DRG1: variants seen among roughly 807,000 people sequenced by gnomAD.
DRG1 encodes the protein developmentally regulated GTP binding protein 1.
A neutral mutation model predicts 38.8 loss-of-function variants in DRG1; 19 were observed. That is an observed-to-expected ratio of 0.49 (90% CI 0.34 to 0.72). The LOEUF (loss-of-function observed/expected upper bound fraction) is 0.72. Among genes scored for constraint, DRG1 ranks in the 30% least tolerant of loss-of-function variants. The pLI is 0.01. For missense variants in DRG1, 299 were observed against 444.8 expected (o/e 0.67, Z 2.95); for synonymous variants, 167 against 157.5 (o/e 1.06, Z -0.45).
At chr22:31,431,272 GATCTGTCC>G (rs1250148597) in intron 8 of DRG1, among the ~76,000 whole-genome samples, 4 of 151,906 alleles carry the variant, frequency 2.6e-5, no homozygotes, top group African/African-American at 9.7e-5. Context: ...CTGACCTCGT[GATCTGTCC>G]ACCTCGGCCC....
chr22:31,422,888 C>CT (rs1430000932), intron 5 of DRG1, among the ~76,000 whole-genome samples: 1 of 152,266 alleles, frequency 6.6e-6, no homozygotes, highest in African/African-American at 2.4e-5. Flanking sequence ...GATGGGACTT[C>CT]ATATGGTGTT....
intron 3 of DRG1, among the ~76,000 whole-genome samples, chr22:31,404,409 T>A (rs947351255): frequency 2.6e-5 from 4 of 151,456 alleles, no homozygotes; most frequent in Non-Finnish European, 4.4e-5. Context: ...GCTGGCTAAT[T>A]TTTGTATTTT....
At chr22:31,420,184 C>A in intron 4 of DRG1, 72 bp from the exon 5 acceptor site, 1 of 1,533,184 alleles carries the variant, frequency 6.5e-7, no homozygotes, top group Non-Finnish European at 8.8e-7. Flanking sequence ...GAAAAAACAC[C>A]TCTACTTGAG....
intron 3 of DRG1, among the ~76,000 whole-genome samples, chr22:31,407,501 A>G (rs73160611): frequency 0.042 from 6,369 of 151,632 alleles, 124 homozygotes; most frequent in Non-Finnish European, 0.051. Flanking sequence ...ATGCCTGACT[A>G]ATTTTTTATT....
At chr22:31,411,311 G>GA (rs1172276573) in intron 4 of DRG1, among the ~76,000 whole-genome samples, 1 of 152,124 alleles carries the variant, frequency 6.6e-6, no homozygotes, top group Non-Finnish European at 1.5e-5. Context: ...TAGAGCTCTT[G>GA]AAATGTGCCT....
intron 3 of DRG1, among the ~76,000 whole-genome samples, chr22:31,408,752 C>CAAAAAAAA (rs66474618): frequency 9.0e-6 from 1 of 111,484 alleles, no homozygotes; most frequent in Admixed American, 1.0e-4. Context: ...GACTCATTCT[C>CAAAAAAAA]AAAAAAAAAA....
At chr22:31,406,058 G>A (rs1253214999) in intron 3 of DRG1, among the ~76,000 whole-genome samples, 2 of 145,886 alleles carry the variant, frequency 1.4e-5, no homozygotes, top group Non-Finnish European at 3.0e-5. Flanking sequence ...AAGATGGAGT[G>A]CAGTGGCACA....
At chr22:31,432,042 GT>G (rs34293725) in intron 8 of DRG1, among the ~76,000 whole-genome samples, 39,372 of 145,098 alleles carry the variant, frequency 0.27, 5,435 homozygotes, top group East Asian at 0.47. Flanking sequence ...TTATTTTACT[GT>G]TTTTTTTTTT....
intron 4 of DRG1, among the ~76,000 whole-genome samples, chr22:31,413,130 T>A (rs2050026617): frequency 6.6e-6 from 1 of 152,160 alleles, no homozygotes; most frequent in African/African-American, 2.4e-5. Flanking sequence ...AGTCTCACTC[T>A]GTCACCCAGG....
chr22:31,427,811 G>C (rs1601535160), intron 8 of DRG1, among the ~76,000 whole-genome samples: 1 of 152,112 alleles, frequency 6.6e-6, no homozygotes, highest in East Asian at 1.9e-4. Context: ...TTGGCTCACT[G>C]CAACTTATGC....
chr22:31,417,005 A>C (rs575010990), intron 4 of DRG1, among the ~76,000 whole-genome samples: 2 of 150,656 alleles, frequency 1.3e-5, no homozygotes, highest in Admixed American at 1.3e-4. Flanking sequence ...GTCAATCTGC[A>C]GTGAGCCATG....
intron 6 of DRG1, among the ~76,000 whole-genome samples, chr22:31,424,488 C>CTTTTTTTTTGTTT (rs2050096363): frequency 1.4e-5 from 1 of 71,396 alleles, no homozygotes; most frequent in African/African-American, 5.9e-5. Flanking sequence ...GCTTTGGTTT[C>CTTTTTTTTTGTTT]TTTTTTTTTT....
chr22:31,405,292 C>G (rs1041942669), intron 3 of DRG1, among the ~76,000 whole-genome samples: 1 of 151,772 alleles, frequency 6.6e-6, no homozygotes, highest in Non-Finnish European at 1.5e-5. Context: ...CGCAGCCTCT[C>G]AAGTAGCTGG....
rs2050073851 is a variant in DRG1 at position 31,421,010 on chromosome 22, TGAAGAA to T, written c.582+588_582+593del. 1.1e-4 allele frequency among the ~76,000 whole-genome samples: 17 copies of T among 152,282 alleles called. No homozygotes were observed. The South Asian group carries it at 3.5e-3, about 32-fold the overall frequency. The stretch of plus-strand genomic sequence containing the variant: ...GAAGGTGTGAACCAAGTGGATATCT[TGAAGAA>T]GAGCATTTGCTTCATGCCTCAACCT... On this transcript the variant is annotated intron_variant, in intron 5 of 8. Transcript: ENST00000331457.
At position 31,413,609 on chromosome 22, in the gene DRG1, G is replaced by GTTTTTTT. The variant is rs35654476; in HGVS notation, c.412+2545_412+2551dup. On this transcript the variant is annotated intron_variant, in intron 4 of 8. Coordinates refer to ENST00000331457, the MANE Select transcript of DRG1 (RefSeq NM_004147.4). ...TCTCTTAGACTCCTACCTATTGTGG[G>GTTTTTTT]TTTTTTTTTTTTTTTTTTTTTTTGA... Among the ~76,000 whole-genome samples the GTTTTTTT allele has an allele frequency of 2.5e-3, 151 of 60,480 alleles. 4 individuals carry two copies. The highest frequency in any genetic ancestry group is 2.9e-3 in the Non-Finnish European group (100 of 34,242). The allele number at this position is 60,480 out of a possible 152,430, so 39.7% of individuals were successfully genotyped here.
At chr22:31,430,058 CCTTA>C (rs1601536263) in intron 8 of DRG1, among the ~76,000 whole-genome samples, 1 of 152,152 alleles carries the variant, frequency 6.6e-6, no homozygotes, top group Non-Finnish European at 1.5e-5. Context: ...GCCACCCTTT[CCTTA>C]CTTTTTGATA....
chr22:31,410,705 C>T (rs1029395974), intron 3 of DRG1, among the ~76,000 whole-genome samples: 4 of 151,952 alleles, frequency 2.6e-5, no homozygotes, highest in Non-Finnish European at 5.9e-5. Flanking sequence ...ATCCCAGCTA[C>T]TTGAGAGGCT....
At chr22:31,412,899 G>A (rs563403094) in intron 4 of DRG1, among the ~76,000 whole-genome samples, 4 of 151,752 alleles carry the variant, frequency 2.6e-5, no homozygotes, top group South Asian at 2.1e-4. Flanking sequence ...TGTTGCCTGG[G>A]TTGCCTTTTT....
intron 8 of DRG1, among the ~76,000 whole-genome samples, chr22:31,428,015 G>C (rs1367454047): frequency 6.6e-6 from 1 of 151,644 alleles, no homozygotes; most frequent in African/African-American, 2.4e-5. Flanking sequence ...CACCGTGCCT[G>C]GCCTTAAAAA....
Sources: allele counts gnomAD v4.1 joint callset (sites outside exome capture counted in the v4.1 genomes callset), GRCh38; gene constraint gnomAD v4.1.1; transcripts MANE v1.5; gene names NCBI Gene and HGNC (gene_info 2026-07-23, HGNC 2026-07-21).